Variants in BLTP1 observed in about 807,000 individuals in gnomAD.
The protein encoded by BLTP1 is bridge-like lipid transfer protein family member 1.
At chr4:122,335,638 A>G in the BLTP1 span, among the ~76,000 whole-genome samples, 1 of 152,156 alleles carries the variant, frequency 6.6e-6, no homozygotes, top group Non-Finnish European at 1.5e-5. Context: ...GTTAAGGCTC[A>G]TAGAAGTTGG....
At chr4:122,239,685 G>A in the BLTP1 span, 3 of 1,614,132 alleles carry the variant, frequency 1.9e-6, no homozygotes, top group East Asian at 2.2e-5. Context: ...CAAGCAGCCT[G>A]TAACAGTTGG....
the BLTP1 span, chr4:122,196,765 A>G: frequency 2.1e-5 from 33 of 1,594,162 alleles, no homozygotes; most frequent in Non-Finnish European, 2.8e-5. Flanking sequence ...AGATGCTACA[A>G]TTGATTTGCT....
the BLTP1 span, chr4:122,336,744 T>C: frequency 7.9e-7 from 1 of 1,273,098 alleles, no homozygotes; most frequent in South Asian, 1.7e-5. Flanking sequence ...GAAAAACGTA[T>C]AGAATGAAGG....
chr4:122,218,403 G>A, the BLTP1 span, among the ~76,000 whole-genome samples: 75 of 152,216 alleles, frequency 4.9e-4, no homozygotes, highest in African/African-American at 1.7e-3. Flanking sequence ...AGAGGAAAAA[G>A]CACTGGTTTT....
chr4:122,215,728 GT>G, the BLTP1 span, among the ~76,000 whole-genome samples: 1 of 152,240 alleles, frequency 6.6e-6, no homozygotes, highest in East Asian at 1.9e-4. Flanking sequence ...GGAACAGGTA[GT>G]TTTTGGTTAC....
At chr4:122,325,326 AG>A in the BLTP1 span, 2 of 1,599,332 alleles carry the variant, frequency 1.3e-6, no homozygotes, top group Non-Finnish European at 1.7e-6. Flanking sequence ...ATACAGTAAG[AG>A]ATATATAATT....
At chr4:122,185,100 A>T in the BLTP1 span, 34 of 984,814 alleles carry the variant, frequency 3.5e-5, no homozygotes, top group Non-Finnish European at 4.0e-5. Flanking sequence ...GCTGGCTCAG[A>T]CTTGTAAGTT....
the BLTP1 span, among the ~76,000 whole-genome samples, chr4:122,219,815 A>G: frequency 1.3e-5 from 2 of 152,112 alleles, no homozygotes; most frequent in Non-Finnish European, 2.9e-5. Flanking sequence ...TAATGTCAGG[A>G]CATCGTGTCA....
chr4:122,161,747 G>GCC, the BLTP1 span, among the ~76,000 whole-genome samples: 1 of 152,140 alleles, frequency 6.6e-6, no homozygotes, highest in Non-Finnish European at 1.5e-5. Context: ...TTTCTTAAGG[G>GCC]TAAAAAAGAT....
the BLTP1 span, chr4:122,210,889 T>A: frequency 6.2e-7 from 1 of 1,611,904 alleles, no homozygotes; most frequent in Non-Finnish European, 8.5e-7. Flanking sequence ...TATTACAGTA[T>A]CAGAAATGGA....
At chr4:122,243,011 G>C in the BLTP1 span, 2 of 1,603,638 alleles carry the variant, frequency 1.2e-6, no homozygotes, top group South Asian at 2.2e-5. Flanking sequence ...ATCAAGCAGG[G>C]GCTCACAGCT....
chr4:122,305,537 T>C, the BLTP1 span: 2 of 984,978 alleles, frequency 2.0e-6, no homozygotes, highest in Non-Finnish European at 2.4e-6. Context: ...ACTGAATCGC[T>C]GCATTAAAGA....
At chr4:122,241,456 A>G in the BLTP1 span, among the ~76,000 whole-genome samples, 1 of 152,182 alleles carries the variant, frequency 6.6e-6, no homozygotes, top group African/African-American at 2.4e-5. Context: ...TACTTTGAAT[A>G]CTACGTAGAA....
the BLTP1 span, chr4:122,175,875 C>T: frequency 5.7e-6 from 9 of 1,573,476 alleles, no homozygotes; most frequent in Non-Finnish European, 7.9e-6. Flanking sequence ...CATCATTTTT[C>T]GGTGGTGGAA....
At chr4:122,329,208 C>A in the BLTP1 span, among the ~76,000 whole-genome samples, 1 of 151,620 alleles carries the variant, frequency 6.6e-6, no homozygotes, top group African/African-American at 2.4e-5. Context: ...AGTAGCTTTA[C>A]TATTTTTGTG....
At chr4:122,360,898 A>T in the BLTP1 span, among the ~76,000 whole-genome samples, 3 of 152,318 alleles carry the variant, frequency 2.0e-5, no homozygotes, top group East Asian at 5.8e-4. Context: ...TTTTTTAGCA[A>T]ACTATCAAGA....
the BLTP1 span, among the ~76,000 whole-genome samples, chr4:122,293,851 G>A: frequency 6.6e-6 from 1 of 152,212 alleles, no homozygotes; most frequent in Non-Finnish European, 1.5e-5. Context: ...TGCCATCTCT[G>A]CAGTTCAAGT....
chr4:122,268,815 A>G, the BLTP1 span, among the ~76,000 whole-genome samples: 1 of 152,178 alleles, frequency 6.6e-6, no homozygotes, highest in African/African-American at 2.4e-5. Flanking sequence ...GAAGTGAACA[A>G]TAGGTATGCT....
the BLTP1 span, chr4:122,271,309 C>G: frequency 6.2e-7 from 1 of 1,613,930 alleles, no homozygotes. Flanking sequence ...TTAAACTTAG[C>G]AGATATACAG....
Sources: allele counts gnomAD v4.1 joint callset (sites outside exome capture counted in the v4.1 genomes callset), GRCh38; gene constraint gnomAD v4.1.1; transcripts MANE v1.5; gene names NCBI Gene and HGNC (gene_info 2026-07-23, HGNC 2026-07-21).